WASF3: variants seen among roughly 807,000 people sequenced by gnomAD.
WASF3 encodes WASP family member 3.
A neutral mutation model predicts 46.6 loss-of-function variants in WASF3; 11 were observed. That is an observed-to-expected ratio of 0.24 (90% confidence interval 0.15 to 0.39). The LOEUF is 0.39. WASF3 is among the 10% of genes least tolerant of loss of function. The pLI is 1.00. For missense variants in WASF3, 576 were observed against 669.8 expected (o/e 0.86, Z 1.55); for synonymous variants, 242 against 259.7 (o/e 0.93, Z 0.65).
intron 1 of WASF3, among the ~76,000 whole-genome samples, chr13:26,601,970 T>C (rs1880655132): frequency 6.6e-6 from 1 of 152,250 alleles, no homozygotes; most frequent in Non-Finnish European, 1.5e-5. Flanking sequence ...TGTTTTGCTT[T>C]TAGTTGTCCA....
chr13:26,672,917 G>T (rs1187579875), intron 6 of WASF3, among the ~76,000 whole-genome samples: 1 of 152,154 alleles, frequency 6.6e-6, no homozygotes, highest in Non-Finnish European at 1.5e-5. Flanking sequence ...ACCATGGCTG[G>T]TTCCGGGAAA....
chr13:26,671,558 A>C (rs1374520352), intron 5 of WASF3, among the ~76,000 whole-genome samples: 1 of 152,160 alleles, frequency 6.6e-6, no homozygotes, highest in Non-Finnish European at 1.5e-5. Flanking sequence ...AAATTTCCTG[A>C]AGTGATTGAG....
chr13:26,678,713 A>G (rs956293021), intron 7 of WASF3, among the ~76,000 whole-genome samples: 1 of 152,182 alleles, frequency 6.6e-6, no homozygotes, highest in African/African-American at 2.4e-5. Context: ...ATTTAAGATG[A>G]GCGCTGGGAA....
chr13:26,629,271 C>T (rs1215262597), intron 2 of WASF3, among the ~76,000 whole-genome samples: 2 of 152,156 alleles, frequency 1.3e-5, no homozygotes, highest in Non-Finnish European at 2.9e-5. Context: ...AAATCTTCAC[C>T]CTGTGCCCAC....
At chr13:26,641,973 G>A (rs567144515) in intron 2 of WASF3, 2 of 176,090 alleles carry the variant, frequency 1.1e-5, no homozygotes, top group African/African-American at 4.7e-5. Context: ...CTTGATACAT[G>A]TGGACTTTTT....
chr13:26,593,005 G>C (rs908414640), intron 1 of WASF3, among the ~76,000 whole-genome samples: 2 of 152,036 alleles, frequency 1.3e-5, no homozygotes, highest in African/African-American at 4.8e-5. Flanking sequence ...TTGGTTTTTG[G>C]GTTTCTGTAG....
intron 1 of WASF3, among the ~76,000 whole-genome samples, chr13:26,579,161 A>G (rs6491136): frequency 0.84 from 127,590 of 151,046 alleles, 53,932 homozygotes; most frequent in East Asian, 0.9. Flanking sequence ...CACTAGGACC[A>G]GCGAATTTTT....
At chr13:26,582,601 C>T (rs775367335) in intron 1 of WASF3, among the ~76,000 whole-genome samples, 10 of 123,714 alleles carry the variant, frequency 8.1e-5, no homozygotes, top group Non-Finnish European at 1.1e-4. Context: ...TGCTTGAACC[C>T]GGGAGGTGGA....
At chr13:26,542,852 T>C in the WASF3 span, among the ~76,000 whole-genome samples, 1 of 152,224 alleles carries the variant, frequency 6.6e-6, no homozygotes, top group African/African-American at 2.4e-5. Flanking sequence ...TAAATGCTTA[T>C]TGATTGATTG....
chr13:26,579,284 A>G (rs556299883), intron 1 of WASF3, among the ~76,000 whole-genome samples: 6 of 152,118 alleles, frequency 3.9e-5, no homozygotes, highest in African/African-American at 1.4e-4. Flanking sequence ...AAAATACAAA[A>G]GTAAATACCC....
chr13:26,607,887 A>C (rs901808744), intron 1 of WASF3, among the ~76,000 whole-genome samples: 1 of 152,036 alleles, frequency 6.6e-6, no homozygotes, highest in Non-Finnish European at 1.5e-5. Flanking sequence ...AATCCTACCT[A>C]GGCCTCTCAA....
At chr13:26,677,226 T>G (rs1210702022) in intron 7 of WASF3, among the ~76,000 whole-genome samples, 1 of 152,242 alleles carries the variant, frequency 6.6e-6, no homozygotes, top group Non-Finnish European at 1.5e-5. Context: ...TATTCTGATT[T>G]CAGGAGAAGA....
In WASF3 at chr13:26,631,514, C is replaced by T. The variant is rs141683203; in HGVS notation, c.-10-10747C>T. Among the ~76,000 whole-genome samples the T allele has an allele frequency of 4.3e-3, 650 of 152,186 alleles. 4 individuals carry two copies. Among genetic ancestry groups the T allele is most frequent in the Admixed American group, 6.8e-3 (104 of 15,286 alleles). ...TGGTGTTATTTCTGAGGCCTCTGTT[C>T]GGTTCCATTGGTCTATATCTCTGTT... On this transcript the variant is annotated intron_variant, in intron 2 of 9. Coordinates refer to ENST00000335327, the MANE Select transcript of WASF3 (RefSeq NM_006646.6).
upstream of WASF3, among the ~76,000 whole-genome samples, chr13:26,556,679 C>T (rs372150491): frequency 2.0e-5 from 3 of 152,310 alleles, no homozygotes; most frequent in East Asian, 1.9e-4. Flanking sequence ...AAATTATTAA[C>T]TGCTATTCAT....
the WASF3 span, among the ~76,000 whole-genome samples, chr13:26,548,187 T>C: frequency 6.6e-6 from 1 of 152,238 alleles, no homozygotes; most frequent in Non-Finnish European, 1.5e-5. Context: ...ATAAATTTCC[T>C]TAGCATTCAG....
At chr13:26,626,837 A>G (rs951319126) in intron 2 of WASF3, among the ~76,000 whole-genome samples, 2 of 152,218 alleles carry the variant, frequency 1.3e-5, no homozygotes, top group African/African-American at 2.4e-5. Context: ...ATGTGGCTAC[A>G]TTCAACAACA....
intron 9 of WASF3, among the ~76,000 whole-genome samples, chr13:26,684,470 A>C (rs202165307): frequency 1.3e-4 from 19 of 151,914 alleles, no homozygotes; most frequent in African/African-American, 4.4e-4. Flanking sequence ...CATTAACAAA[A>C]TTGACAACCA....
rs762342891 is a variant in WASF3, at chr13:26,681,151, G to A, written c.814G>A (p.Val272Met). ...PVTPSYAAGD[V>M]PPHGPASQAA... ...GACCCCTTCCTATGCAGCTGGTGAC[G>A]TGCCACCACACGGGCCTGCAAGCCA... The change falls in exon 8 of 10, where the codon GTG becomes ATG. Residue 272 changes from valine to methionine, a missense_variant. Physicochemically the swap from Val to Met is conservative, Grantham distance 21 (BLOSUM62 1). Transcript: ENST00000335327. 24 of 1,614,084 alleles carry A rather than the reference G, an allele frequency of 1.5e-5. No homozygotes were observed. The highest frequency in any genetic ancestry group is 7.7e-5 in the South Asian group (7 of 91,076).
At chr13:26,580,932 CTTT>C (rs5802385) in intron 1 of WASF3, among the ~76,000 whole-genome samples, 6 of 136,698 alleles carry the variant, frequency 4.4e-5, no homozygotes, top group Admixed American at 7.3e-5. Context: ...GCATAAATTT[CTTT>C]TTTTTTTTTT....
Sources: gnomAD v4.1 joint callset for allele counts (sites outside exome capture counted in the v4.1 genomes callset) on GRCh38, gnomAD v4.1.1 for gene constraint, MANE v1.5 for transcripts, NCBI Gene and HGNC (gene_info 2026-07-23, HGNC 2026-07-21) for gene names.